IFT81: variants seen among roughly 807,000 people sequenced by gnomAD.
The protein encoded by IFT81 is intraflagellar transport protein 81 homolog.
In IFT81, 72 loss-of-function variants were observed where a neutral mutation model predicts 102.6. The ratio of observed to expected loss-of-function variants is 0.70; its 90% confidence interval spans 0.58 to 0.85. The LOEUF is 0.85. Ranked by LOEUF, IFT81 falls within the 40% of genes least tolerant of loss-of-function variation. The pLI is 0.00. For missense variants in IFT81, 723 were observed against 787.3 expected, an observed-to-expected ratio of 0.92 and a Z score of 0.98; for synonymous variants, 237 against 242.7, an observed-to-expected ratio of 0.98 and a Z score of 0.22.
intron 13 of IFT81, among the ~76,000 whole-genome samples, chr12:110,192,343 AT>A (rs1419849139): frequency 2.6e-5 from 4 of 152,118 alleles, no homozygotes; most frequent in African/African-American, 9.7e-5. Context: ...GTATAGGGCA[AT>A]TTTTTAATAT....
chr12:110,197,054 CTGAGCA>C lies in IFT81; in HGVS notation c.1557+4351_1557+4356del, dbSNP rs1323779163. Reference sequence around the variant, plus strand: ...TCTCTACAAAAAGTAAAAAAATTAGCTGAGCATGGGAGCACACATCTATAGTCTTAG... The same window carrying C: ...TCTCTACAAAAAGTAAAAAAATTAGCTGGGAGCACACATCTATAGTCTTAG... On this transcript the variant is annotated intron_variant, in intron 14 of 18. Transcript: ENST00000242591. Among the ~76,000 whole-genome samples, 7 of 152,132 alleles carry C rather than the reference CTGAGCA, an allele frequency of 4.6e-5. No homozygotes were observed. In the East Asian group the frequency reaches 1.4e-3, roughly 29 times the overall value.
In IFT81 at chr12:110,143,489, A is replaced by G; in HGVS notation, c.889A>G (p.Lys297Glu). 2 of 1,550,546 alleles carry G rather than the reference A, an allele frequency of 1.3e-6. No homozygotes were observed. Among genetic ancestry groups the G allele is most frequent in the Non-Finnish European group, 1.7e-6 (2 of 1,160,034 alleles). The change falls in exon 9 of 19, where the codon AAA becomes GAA. Residue 297 changes from lysine (K) to glutamate (E), a missense_variant. Coordinates refer to ENST00000242591, the MANE Select transcript of IFT81 (RefSeq NM_014055.4). ...GAAAAAGGAATTACATTTTTTACAAAAAGTAGTTTCAGAGCCAGCTATGGG... is the reference window on the plus strand; with the variant it reads ...GAAAAAGGAATTACATTTTTTACAAGAAGTAGTTTCAGAGCCAGCTATGGG... ...NKKKELHFLQ[K>E]VVSEPAMGHS... is the part of the protein sequence containing the mutation.
chr12:110,139,866 T>TAAAATATAAA (rs1477964163), intron 8 of IFT81, among the ~76,000 whole-genome samples: 3 of 130,080 alleles, frequency 2.3e-5, no homozygotes, highest in African/African-American at 9.3e-5. Context: ...TAAAATAAAA[T>TAAAATATAAA]ATAAAATAAA....
At chr12:110,182,713 A>G (rs1897358577) in intron 12 of IFT81, among the ~76,000 whole-genome samples, 1 of 152,170 alleles carries the variant, frequency 6.6e-6, no homozygotes, top group South Asian at 2.1e-4. Context: ...ACCAGATGGT[A>G]GTCAGAACAT....
chr12:110,167,594 T>A (rs1361375627), intron 11 of IFT81, among the ~76,000 whole-genome samples: 1 of 152,180 alleles, frequency 6.6e-6, no homozygotes. Flanking sequence ...TATCTTAATA[T>A]AAATCTGGTT....
At chr12:110,213,561 A>G (rs992516203) in intron 18 of IFT81, among the ~76,000 whole-genome samples, 1 of 152,204 alleles carries the variant, frequency 6.6e-6, no homozygotes, top group East Asian at 1.9e-4. Context: ...GAAGTTGCAC[A>G]GTGGTAACAT....
At chr12:110,163,649 T>C (rs961142180) in intron 11 of IFT81, among the ~76,000 whole-genome samples, 3 of 142,564 alleles carry the variant, frequency 2.1e-5, no homozygotes, top group Non-Finnish European at 3.1e-5. Flanking sequence ...GGAGTCTCGC[T>C]CTGTCGCCCA....
chr12:110,139,847 TAAATA>T lies in IFT81; in HGVS notation c.781+3003_781+3007del, dbSNP rs752620264. On this transcript the variant is annotated intron_variant, in intron 8 of 18. Transcript: ENST00000242591. ...TAAAATAAAATAAAATAAAATAAAATAAATAAAATAAAATAAAATATAAAATAAAA... is the reference window on the plus strand; with the variant it reads ...TAAAATAAAATAAAATAAAATAAAATAAATAAAATAAAATATAAAATAAAA... 9.8e-3 allele frequency among the ~76,000 whole-genome samples: 1,167 copies of T among 118,830 alleles called. 18 individuals carry two copies. The highest frequency in any genetic ancestry group is 0.029 in the African/African-American group (717 of 25,112). The allele number at this position is 118,830 out of a possible 152,430, so 78.0% of individuals were successfully genotyped here. A position where few individuals can be genotyped will look rare whatever the true frequency, so the allele number is the denominator to read the frequency against.
intron 14 of IFT81, chr12:110,203,559 C>T (rs933778209): frequency 3.9e-5 from 11 of 280,534 alleles, no homozygotes; most frequent in African/African-American, 6.6e-5. Context: ...TCATAGCTCT[C>T]AGCAGCCTGT....
chr12:110,128,091 C>A lies in IFT81; in HGVS notation c.190C>A (p.Arg64=). ...REEMPEQTAK[R]MLSLLGILKY... ...GGAGATGCCAGAGCAGACAGCCAAACGAATGTTGAGCCTTCTTGGTATTCT... is the reference window on the plus strand; with the variant it reads ...GGAGATGCCAGAGCAGACAGCCAAAAGAATGTTGAGCCTTCTTGGTATTCT... The change falls in exon 3 of 19, where the codon CGA becomes AGA. Residue 64 remains arginine, a synonymous_variant. Transcript: ENST00000242591. 1 of 1,613,716 alleles carries A rather than the reference C, an allele frequency of 6.2e-7. No individual in the cohort carries two copies. Among genetic ancestry groups the A allele is most frequent in the South Asian group, 1.1e-5 (1 of 91,074 alleles).
chr12:110,205,716 A>G (rs1337886365), intron 17 of IFT81, 36 bp downstream of exon 17: 1 of 1,314,034 alleles, frequency 7.6e-7, no homozygotes, highest in African/African-American at 1.5e-5. Context: ...GAGATACTTA[A>G]TATTTTCACC....
intron 10 of IFT81, among the ~76,000 whole-genome samples, chr12:110,159,407 C>T (rs542161576): frequency 1.3e-5 from 2 of 152,222 alleles, no homozygotes; most frequent in African/African-American, 4.8e-5. Context: ...TTGCAGTGAG[C>T]CAAGATTGGG....
intron 4 of IFT81, among the ~76,000 whole-genome samples, chr12:110,130,663 G>T (rs1025372022): frequency 6.6e-6 from 1 of 151,898 alleles, no homozygotes; most frequent in African/African-American, 2.4e-5. Flanking sequence ...CACGGTGCAC[G>T]ACCTGATTAA....
At chr12:110,130,436 C>G (rs1894096210) in intron 4 of IFT81, among the ~76,000 whole-genome samples, 1 of 148,896 alleles carries the variant, frequency 6.7e-6, no homozygotes, top group South Asian at 2.1e-4. Flanking sequence ...GTGGTGCAAT[C>G]TCGGCTCACT....
intron 10 of IFT81, among the ~76,000 whole-genome samples, chr12:110,147,416 AAGTT>A (rs1895287586): frequency 6.6e-6 from 1 of 152,084 alleles, no homozygotes; most frequent in Admixed American, 6.5e-5. Context: ...TTCAAGTTTA[AAGTT>A]AGTTTGCAAG....
At chr12:110,198,355 C>A (rs566095439) in intron 14 of IFT81, among the ~76,000 whole-genome samples, 1 of 150,708 alleles carries the variant, frequency 6.6e-6, no homozygotes, top group Non-Finnish European at 1.5e-5. Flanking sequence ...GGTCGGCTAT[C>A]AGTTTATCAT....
intron 10 of IFT81, among the ~76,000 whole-genome samples, chr12:110,151,051 C>T (rs1895497133): frequency 6.6e-6 from 1 of 152,044 alleles, no homozygotes; most frequent in Admixed American, 6.6e-5. Flanking sequence ...ATAATTCACC[C>T]ATTTAAAGTG....
intron 4 of IFT81, among the ~76,000 whole-genome samples, chr12:110,129,798 A>G (rs1035389604): frequency 5.3e-5 from 8 of 152,076 alleles, no homozygotes; most frequent in African/African-American, 9.7e-5. Flanking sequence ...AAGACTGTGG[A>G]GAGAAAGAAA....
intron 12 of IFT81, among the ~76,000 whole-genome samples, chr12:110,185,124 A>T (rs1897467253): frequency 6.6e-6 from 1 of 152,096 alleles, no homozygotes. Context: ...GAGTGATTGC[A>T]CTCTAGTGCT....
Sources: gnomAD v4.1 joint callset for allele counts (sites outside exome capture counted in the v4.1 genomes callset) on GRCh38, gnomAD v4.1.1 for gene constraint, MANE v1.5 for transcripts, NCBI Gene and HGNC (gene_info 2026-07-23, HGNC 2026-07-21) for gene names.